MALT1: variants seen among roughly 807,000 people sequenced by gnomAD.
The protein encoded by MALT1 is mucosa-associated lymphoid tissue lymphoma translocation protein 1.
Under a neutral mutation model 85.5 loss-of-function variants are expected in MALT1, and 36 were observed. That is an observed-to-expected ratio of 0.42 (90% CI 0.32 to 0.56). The LOEUF (loss-of-function observed/expected upper bound fraction) is 0.56, where lower values mean the gene tolerates loss of function less well. Among genes scored for constraint, MALT1 ranks in the 20% least tolerant of loss-of-function variants. The probability of loss-of-function intolerance (pLI) is 0.10; values close to 1 mark genes in which losing one functional copy is unlikely to be tolerated. For synonymous variants in MALT1, 359 were observed against 361.3 expected (o/e 0.99, Z 0.07); for missense variants, 716 against 981.6 (o/e 0.73, Z 3.62).
At position 58,732,903 on chromosome 18, in the gene MALT1, A is replaced by T. The variant is rs192989067; in HGVS notation, c.1223-494A>T. On this transcript the variant is annotated intron_variant, in intron 10 of 16. Transcript: ENST00000649217. ...CAAATTTTAAGTGCAGACTGTTGGT[A>T]ATTTATTTATTTATTTATTTATTTT... Among the ~76,000 whole-genome samples the T allele has an allele frequency of 7.1e-3, 1,067 of 149,680 alleles. 13 individuals are homozygous for T. Among genetic ancestry groups the T allele is most frequent in the African/African-American group, 0.026 (1,017 of 39,540 alleles).
intron 10 of MALT1, among the ~76,000 whole-genome samples, chr18:58,725,459 A>G (rs2055041856): frequency 1.3e-5 from 2 of 152,194 alleles, no homozygotes; most frequent in African/African-American, 4.8e-5. Context: ...TCTGGTCCCA[A>G]GTCTTTCGGA....
At chr18:58,710,130 T>G in intron 6 of MALT1, 58 bp downstream of exon 6, 1 of 1,024,100 alleles carries the variant, frequency 9.8e-7, no homozygotes, top group South Asian at 1.4e-5. Context: ...CTATATAAAC[T>G]GCAACGTTTA....
At position 58,753,872 on chromosome 18, in the gene MALT1, AT is replaced by A. The variant is rs1297549763; in HGVS notation, c.*6032del. On this transcript the variant is annotated 3_prime_UTR_variant, in exon 17 of 17. Coordinates refer to ENST00000649217, the MANE Select transcript of MALT1 (RefSeq NM_006785.4). The stretch of plus-strand genomic sequence containing the variant: ...TACAGAGTGCTTATTCTGTTACAAA[AT>A]TAGTAAAGCTGATTCTGCCTCTAAA... 1.3e-5 allele frequency: 2 copies of A among 152,248 alleles called. No individual in the cohort carries two copies. Among genetic ancestry groups the A allele is most frequent in the Non-Finnish European group, 2.9e-5 (2 of 68,042 alleles). The allele number at this position is 152,248 out of a possible 1,614,324, so 9.4% of individuals were successfully genotyped here.
intron 14 of MALT1, 45 bp downstream of exon 14, chr18:58,742,059 G>T (rs141163988): frequency 4.4e-6 from 6 of 1,376,234 alleles, no homozygotes; most frequent in Non-Finnish European, 5.8e-6. Flanking sequence ...TATACTTAAC[G>T]TTAAATCATA....
intron 4 of MALT1, among the ~76,000 whole-genome samples, chr18:58,704,324 C>T (rs1193676747): frequency 6.6e-6 from 1 of 152,206 alleles, no homozygotes; most frequent in Non-Finnish European, 1.5e-5. Flanking sequence ...CGCCCCATAT[C>T]TTGGCCAACA....
intron 3 of MALT1, among the ~76,000 whole-genome samples, chr18:58,699,969 A>G (rs1295342924): frequency 6.6e-6 from 1 of 152,258 alleles, no homozygotes; most frequent in Non-Finnish European, 1.5e-5. Context: ...TTTGCAGATC[A>G]GAAGGTCCGG....
intron 4 of MALT1, among the ~76,000 whole-genome samples, chr18:58,701,489 G>T (rs1288218677): frequency 6.6e-6 from 1 of 152,116 alleles, no homozygotes; most frequent in Non-Finnish European, 1.5e-5. Context: ...TTATTTGTTT[G>T]CTAGCTGTCT....
chr18:58,693,981 G>A (rs2054551464), intron 2 of MALT1, among the ~76,000 whole-genome samples: 1 of 152,228 alleles, frequency 6.6e-6, no homozygotes, highest in East Asian at 1.9e-4. Flanking sequence ...TCTCCTGGCA[G>A]ATGAATGGTA....
At chr18:58,734,544 CT>C (rs1463264554) in intron 12 of MALT1, 163 bp downstream of exon 12, 2 of 598,240 alleles carry the variant, frequency 3.3e-6, no homozygotes, top group Non-Finnish European at 3.0e-6. Flanking sequence ...CTGCCTCAGC[CT>C]TCTGAGTCGC....
intron 9 of MALT1, among the ~76,000 whole-genome samples, chr18:58,719,595 A>C (rs1311031147): frequency 3.3e-5 from 5 of 152,182 alleles, no homozygotes; most frequent in African/African-American, 1.2e-4. Flanking sequence ...TGCTCAAAGA[A>C]AGTCGTGATA....
chr18:58,738,266 G>A (rs1367578923), intron 13 of MALT1, among the ~76,000 whole-genome samples: 7 of 152,230 alleles, frequency 4.6e-5, no homozygotes, highest in African/African-American at 1.4e-4. Context: ...TTTGGGACTA[G>A]ATTTTTTTGG....
At chr18:58,716,763 GT>G (rs1157182173) in intron 9 of MALT1, among the ~76,000 whole-genome samples, 1 of 152,206 alleles carries the variant, frequency 6.6e-6, no homozygotes, top group African/African-American at 2.4e-5. Context: ...TATTCAAAGT[GT>G]TTTGGTAGGA....
At chr18:58,688,084 C>A (rs185669614) in intron 2 of MALT1, among the ~76,000 whole-genome samples, 76 of 152,234 alleles carry the variant, frequency 5.0e-4, no homozygotes, top group African/African-American at 1.8e-3. Flanking sequence ...TACCTTTGTT[C>A]AGCACCTTCT....
intron 10 of MALT1, among the ~76,000 whole-genome samples, chr18:58,729,316 C>G (rs2055110674): frequency 6.6e-6 from 1 of 151,710 alleles, no homozygotes; most frequent in African/African-American, 2.4e-5. Context: ...ATGGAGAAAC[C>G]CTGTCTCTAC....
In MALT1 at chr18:58,751,593, CTTTTA is replaced by C. The variant is rs1568162026; in HGVS notation, c.*3757_*3761del. ...TTGGTCTTCTTTTTTATCAACCATG[CTTTTA>C]TTTTACTTGAATCTCGTGCCAATTG... On this transcript the variant is annotated 3_prime_UTR_variant, in exon 17 of 17. Coordinates refer to ENST00000649217, the MANE Select transcript of MALT1 (RefSeq NM_006785.4). 1 of 152,040 alleles carries C rather than the reference CTTTTA, an allele frequency of 6.6e-6. No individual in the cohort carries two copies. The highest frequency in any genetic ancestry group is 2.4e-5 in the African/African-American group (1 of 41,394). 9.4% of individuals were successfully genotyped at this position (152,040 alleles called of 1,614,324 possible).
At chr18:58,699,058 G>A (rs1244956112) in intron 3 of MALT1, among the ~76,000 whole-genome samples, 2 of 152,196 alleles carry the variant, frequency 1.3e-5, no homozygotes, top group Non-Finnish European at 2.9e-5. Context: ...TATCTGTTGA[G>A]TCCCAGATGT....
At chr18:58,734,515 C>A in intron 12 of MALT1, 134 bp downstream of exon 12, 1 of 677,896 alleles carries the variant, frequency 1.5e-6, no homozygotes, top group Middle Eastern at 2.5e-4. Context: ...CTCACTGCTC[C>A]TGGGCTCAAG....
Position 58,710,060 on chromosome 18 carries a change from G to A in MALT1, c.913G>A (p.Glu305Lys). Residue 305 changes from glutamate (E) to lysine (K), a missense_variant, in exon 6 of 17, where the codon GAA becomes AAA. This residue lies in a region of MALT1 where 290 missense variants were observed against 380.5 expected (regional missense o/e 0.76). Coordinates refer to ENST00000649217, the MANE Select transcript of MALT1 (RefSeq NM_006785.4). The part of the protein sequence containing the change: ...DRDSQDSKKV[E>K]IIIGRTDEAV... ...AGACAGTCAAGATAGCAAGAAGGTA[G>A]AAATCATCATAGGTAAGAAGTATTT... 6.2e-7 allele frequency: 1 copy of A among 1,606,056 alleles called. No individual in the cohort carries two copies. The highest frequency in any genetic ancestry group is 8.5e-7 in the Non-Finnish European group (1 of 1,173,264).
At chr18:58,699,786 T>C (rs563393523) in intron 3 of MALT1, among the ~76,000 whole-genome samples, 32 of 152,320 alleles carry the variant, frequency 2.1e-4, no homozygotes, top group Admixed American at 2.1e-3. Context: ...AGCTGATCAA[T>C]TGCTGGGAGC....
Sources: gnomAD v4.1 joint callset for allele counts (sites outside exome capture counted in the v4.1 genomes callset) on GRCh38, gnomAD v4.1.1 for gene constraint, gnomAD v4.1.1 regional missense constraint, MANE v1.5 for transcripts, NCBI Gene and HGNC (gene_info 2026-07-23, HGNC 2026-07-21) for gene names.